Variants in HOXA3 observed in about 807,000 individuals in gnomAD.
HOXA3 encodes the protein homeobox protein Hox-A3.
A neutral mutation model predicts 30.3 loss-of-function variants in HOXA3; 8 were observed. The observed-to-expected ratio is 0.26, with a 90% confidence interval of 0.15 to 0.48. The LOEUF is 0.48. Ranked by LOEUF, HOXA3 falls within the 20% of genes least tolerant of loss-of-function variation. HOXA3 has a pLI of 0.99. For synonymous variants in HOXA3, 323 were observed against 273.1 expected, an observed-to-expected ratio of 1.18 and a Z score of -1.80; for missense variants, 653 against 614.4, an observed-to-expected ratio of 1.06 and a Z score of -0.66.
At chr7:27,123,730 A>C (rs184375989) in intron 3 of HOXA3, 17 of 152,456 alleles carry the variant, frequency 1.1e-4, no homozygotes, top group African/African-American at 3.8e-4. Flanking sequence ...GGGGATATCA[A>C]ATAGCTGAGG....
rs376196080 is a variant in HOXA3 at position 27,108,110 on chromosome 7, C to T, written c.1137G>A (p.Gly379=). 22 of 1,608,872 alleles carry T rather than the reference C, an allele frequency of 1.4e-5. No individual in the cohort carries two copies. Among genetic ancestry groups the T allele is most frequent in the Non-Finnish European group, 1.8e-5 (21 of 1,176,656 alleles). Residue 379 remains glycine (G), a synonymous_variant, in exon 6 of 6, where the codon GGG becomes GGA. Coordinates refer to ENST00000612286, the MANE Select transcript of HOXA3 (RefSeq NM_153631.3). The surrounding 1 kb of genome is among the most constrained non-coding windows in gnomAD (Gnocchi z 5.0). ...GSYVEPMSNS[G]PALFGLTHLP... Reference sequence around the variant, plus strand: ...GGTGAGTTAGACCAAAGAGGGCTGGCCCGGAGTTGCTCATGGGCTCCACAT... The same window carrying T: ...GGTGAGTTAGACCAAAGAGGGCTGGTCCGGAGTTGCTCATGGGCTCCACAT...
At position 27,108,254 on chromosome 7, in the gene HOXA3, C is replaced by T. The variant is rs1378501583; in HGVS notation, c.993G>A (p.Ala331=). 2 of 1,516,334 alleles carry T rather than the reference C, an allele frequency of 1.3e-6. No individual in the cohort carries two copies. The highest frequency in any genetic ancestry group is 1.8e-6 in the Non-Finnish European group (2 of 1,132,628). The allele number at this position is 1,516,334 out of a possible 1,614,324, so 93.9% of individuals were successfully genotyped here. A position where few individuals can be genotyped will look rare whatever the true frequency, so the allele number is the denominator to read the frequency against. ...PPPPPQKRYT[A]AGAGAGGTPD... ...GGGTGCCCCCTGCGCCCGCCCCTGCCGCCGTGTAGCGCTTCTGTGGGGGTG... is the reference window on the plus strand; with the variant it reads ...GGGTGCCCCCTGCGCCCGCCCCTGCTGCCGTGTAGCGCTTCTGTGGGGGTG... Residue 331 remains alanine, a synonymous_variant, in exon 6 of 6, where the codon GCG becomes GCA. Coordinates refer to ENST00000612286, the MANE Select transcript of HOXA3 (RefSeq NM_153631.3). This position sits in a 1 kb window ranked among gnomAD's most constrained non-coding sequence, Gnocchi z 5.0.
chr7:27,110,413 G>A lies in HOXA3; in HGVS notation c.228C>T (p.Ser76=), dbSNP rs1266992863. Residue 76 remains serine (S), a synonymous_variant, in exon 5 of 6, where the codon AGC becomes AGT. Transcript: ENST00000612286. ...GGCTTGGAGGCTGGCTAGGTGGGGCGCTCAGGGTGCGCAGGCACGCCTCAC... is the reference window on the plus strand; with the variant it reads ...GGCTTGGAGGCTGGCTAGGTGGGGCACTCAGGGTGCGCAGGCACGCCTCAC... The part of the protein sequence containing the change: ...ELSEACLRTL[S]APPSQPPSLG... The A allele has an allele frequency of 6.5e-7, 1 of 1,542,042 alleles. No individual in the cohort carries two copies. The highest frequency in any genetic ancestry group is 1.9e-5 in the Admixed American group (1 of 51,468).
chr7:27,131,308 G>A, intron 2 of HOXA3, among the ~76,000 whole-genome samples: 1 of 152,106 alleles, frequency 6.6e-6, no homozygotes, highest in Admixed American at 6.5e-5. Flanking sequence ...TTTTATGTAC[G>A]CCACTGAGAG....
chr7:27,111,083 C>G (rs915516312), intron 4 of HOXA3, among the ~76,000 whole-genome samples: 6 of 152,148 alleles, frequency 3.9e-5, no homozygotes, highest in African/African-American at 1.4e-4. Flanking sequence ...TGGGATCTTT[C>G]TTTTCCAGGG....
intron 1 of HOXA3, chr7:27,141,446 C>A: frequency 5.6e-6 from 1 of 177,290 alleles, no homozygotes; most frequent in South Asian, 1.3e-4. Flanking sequence ...GGAACACTTC[C>A]ACGCACATGC....
In HOXA3 at chr7:27,108,809, G is replaced by A; in HGVS notation, c.527-89C>T. ...CCAGCCCGGCCCCTCCTTCCACCAG[G>A]CCCCAAAGGTTCCTGCATCCGTCAG... On this transcript the variant is annotated intron_variant, in intron 5 of 5. Transcript: ENST00000612286. The surrounding 1 kb of genome is among the most constrained non-coding windows in gnomAD (Gnocchi z 5.0). 1 of 979,618 alleles carries A rather than the reference G, an allele frequency of 1.0e-6. No individual in the cohort carries two copies. The highest frequency in any genetic ancestry group is 1.5e-6 in the Non-Finnish European group (1 of 673,666). 60.7% of individuals were successfully genotyped at this position (979,618 alleles called of 1,614,324 possible).
intron 1 of HOXA3, chr7:27,143,148 G>A (rs1401991399): frequency 1.2e-6 from 2 of 1,609,350 alleles, no homozygotes; most frequent in African/African-American, 2.7e-5. Context: ...CTGCTGGCAG[G>A]GGCGTCCTCC....
intron 2 of HOXA3, chr7:27,129,486 G>T (rs1343476934): frequency 1.2e-6 from 2 of 1,614,158 alleles, no homozygotes; most frequent in South Asian, 2.2e-5. Context: ...GATTGAAGTG[G>T]AACTCCTTCT....
chr7:27,115,851 T>C (rs2128045134), intron 4 of HOXA3: 1 of 152,666 alleles, frequency 6.6e-6, no homozygotes, highest in East Asian at 1.9e-4. Context: ...TCCAGCGTCC[T>C]GGCATGCAGA....
At chr7:27,116,131 G>A (rs1464710672) in intron 4 of HOXA3, 1 of 152,626 alleles carries the variant, frequency 6.6e-6, no homozygotes, top group Non-Finnish European at 1.5e-5. Context: ...TTTCTTTACT[G>A]AGAGGACCCC....
Position 27,108,794 on chromosome 7 carries a change from C to G in HOXA3, c.527-74G>C. ...CGCCCAGCCCCTGACCCAGCCCGGC[C>G]CCTCCTTCCACCAGGCCCCAAAGGT... On this transcript the variant is annotated intron_variant, in intron 5 of 5. Coordinates refer to ENST00000612286, the MANE Select transcript of HOXA3 (RefSeq NM_153631.3). The surrounding 1 kb of genome is among the most constrained non-coding windows in gnomAD (Gnocchi z 5.0). The G allele has an allele frequency of 1.7e-6, 2 of 1,201,850 alleles. No individual in the cohort carries two copies. The highest frequency in any genetic ancestry group is 2.3e-6 in the Non-Finnish European group (2 of 871,054). The allele number at this position is 1,201,850 out of a possible 1,614,324, so 74.4% of individuals were successfully genotyped here. A position where few individuals can be genotyped will look rare whatever the true frequency, so the allele number is the denominator to read the frequency against.
chr7:27,125,121 C>A (rs898301842), intron 3 of HOXA3, among the ~76,000 whole-genome samples: 2 of 152,190 alleles, frequency 1.3e-5, no homozygotes, highest in African/African-American at 4.8e-5. Flanking sequence ...TAGATGCATA[C>A]CTCCATTCCT....
At chr7:27,139,416 G>A (rs776578003) in intron 2 of HOXA3, among the ~76,000 whole-genome samples, 1 of 152,170 alleles carries the variant, frequency 6.6e-6, no homozygotes, top group Non-Finnish European at 1.5e-5. Context: ...CAACCCGGGG[G>A]CCCAGCCTGG....
intron 4 of HOXA3, chr7:27,116,764 A>G (rs1784748795): frequency 6.6e-6 from 1 of 152,238 alleles, no homozygotes; most frequent in African/African-American, 2.4e-5. Context: ...ATCATATGAA[A>G]TGCTGACAAG....
intron 4 of HOXA3, among the ~76,000 whole-genome samples, chr7:27,112,943 C>T (rs1784461153): frequency 6.6e-6 from 1 of 152,158 alleles, no homozygotes; most frequent in Non-Finnish European, 1.5e-5. Context: ...CAACAGCCCT[C>T]GTAAACTTAA....
chr7:27,132,017 A>C (rs563204882), intron 2 of HOXA3, among the ~76,000 whole-genome samples: 53 of 152,338 alleles, frequency 3.5e-4, no homozygotes, highest in African/African-American at 1.3e-3. Flanking sequence ...TTAACAAATA[A>C]ATTACTTATT....
At chr7:27,123,120 T>G (rs1275658526) in intron 3 of HOXA3, 1 of 152,256 alleles carries the variant, frequency 6.6e-6, no homozygotes, top group Non-Finnish European at 1.5e-5. Context: ...TCCTGAAACC[T>G]CACTAATATG....
chr7:27,142,205 A>G (rs937184990), intron 1 of HOXA3: 1 of 1,039,298 alleles, frequency 9.6e-7, no homozygotes, highest in African/African-American at 1.6e-5. Flanking sequence ...TCTGCCTACC[A>G]GCCCGCACAC....
Sources: allele counts gnomAD v4.1 joint callset (sites outside exome capture counted in the v4.1 genomes callset), GRCh38; gene constraint gnomAD v4.1.1; non-coding constraint Gnocchi (gnomAD v3.1); transcripts MANE v1.5; gene names NCBI Gene and HGNC (gene_info 2026-07-23, HGNC 2026-07-21).